LMNA: variants seen among roughly 807,000 people sequenced by gnomAD.
LMNA encodes lamin A/C.
LMNA carries 20 observed loss-of-function variants against 70.4 expected under a neutral mutation model. That is an observed-to-expected ratio of 0.28 (90% CI 0.20 to 0.41). The LOEUF (loss-of-function observed/expected upper bound fraction) is 0.41, where lower values mean the gene tolerates loss of function less well. LMNA is among the 10% of genes least tolerant of loss of function. The probability of loss-of-function intolerance (pLI) is 1.00; values close to 1 mark genes in which losing one functional copy is unlikely to be tolerated. For missense variants in LMNA, 652 were observed against 917.2 expected, an observed-to-expected ratio of 0.71 and a Z score of 3.73; for synonymous variants, 339 against 372.8, an observed-to-expected ratio of 0.91 and a Z score of 1.04.
intron 1 of LMNA, among the ~76,000 whole-genome samples, chr1:156,119,365 C>T (rs901428523): frequency 1.3e-5 from 2 of 152,196 alleles, no homozygotes; most frequent in African/African-American, 4.8e-5. Context: ...ATCCGTCCAC[C>T]TTGGCCTCCC....
chr1:156,104,291 G>T (rs1649244638), intron 3 of LMNA, among the ~76,000 whole-genome samples: 2 of 152,134 alleles, frequency 1.3e-5, no homozygotes, highest in African/African-American at 4.8e-5. Flanking sequence ...AGCCTGGAAG[G>T]GCCTGCAGCT....
rs370134870 is a variant in LMNA, at chr1:156,134,823, C to T, written c.658C>T (p.Arg220Cys). The change falls in exon 4 of 12, where the codon CGC becomes TGC. Residue 220 changes from arginine (R) to cysteine (C), a missense_variant. Physicochemically the swap from Arg to Cys is radical, Grantham distance 180. Coordinates refer to ENST00000368300, the MANE Select transcript of LMNA (RefSeq NM_170707.4). This position sits in a 1 kb window ranked among gnomAD's most constrained non-coding sequence, Gnocchi z 5.3. The stretch of plus-strand genomic sequence containing the variant: ...CTTCCAGGAGCTGCGTGAGACCAAG[C>T]GCCGTCATGAGACCCGACTGGTGGA... ...IYSEELRETK[R>C]RHETRLVEID... The T allele has an allele frequency of 2.4e-5, 38 of 1,614,064 alleles. No homozygotes were observed. Among genetic ancestry groups the T allele is most frequent in the Non-Finnish European group, 3.0e-5 (35 of 1,180,042 alleles).
chr1:156,107,505 C>G (rs1245568353), intron 3 of LMNA, among the ~76,000 whole-genome samples: 1 of 152,250 alleles, frequency 6.6e-6, no homozygotes, highest in Non-Finnish European at 1.5e-5. Flanking sequence ...GCCCAGGGGC[C>G]TCCTGGAAGT....
At position 156,136,134 on chromosome 1, in the gene LMNA, G is replaced by A. The variant is rs752948856; in HGVS notation, c.1157+13G>A. On this transcript the variant is annotated intron_variant, in intron 6 of 11. Transcript: ENST00000368300. This position sits in a 1 kb window ranked among gnomAD's most constrained non-coding sequence, Gnocchi z 6.1. Reference sequence around the variant, plus strand: ...GCGAGGAGGAGAGGTGGGCTGGGGAGACGTCGGGGAGGTGCTGGCAGTGTC... The same window carrying A: ...GCGAGGAGGAGAGGTGGGCTGGGGAAACGTCGGGGAGGTGCTGGCAGTGTC... 2.5e-6 allele frequency: 4 copies of A among 1,613,866 alleles called. No individual in the cohort carries two copies. Among genetic ancestry groups the A allele is most frequent in the Non-Finnish European group, 3.4e-6 (4 of 1,179,964 alleles).
In LMNA at chr1:156,136,011, G is replaced by A. The variant is rs147015659; in HGVS notation, c.1047G>A (p.Arg349=). ...AGGAGCGGGAGATGGCCGAGATGCG[G>A]GCAAGGATGCAGCAGCAGCTGGACG... ...AEKEREMAEM[R]ARMQQQLDEY... Residue 349 remains arginine (R), a synonymous_variant, in exon 6 of 12, where the codon CGG becomes CGA. Coordinates refer to ENST00000368300, the MANE Select transcript of LMNA (RefSeq NM_170707.4). The surrounding 1 kb of genome is among the most constrained non-coding windows in gnomAD (Gnocchi z 6.1). The A allele has an allele frequency of 5.6e-6, 9 of 1,614,028 alleles. No homozygotes were observed. The African/African-American group carries it at 9.3e-5, about 17-fold the overall frequency.
In LMNA at chr1:156,115,336, C is replaced by T; in HGVS notation, c.356+62C>T. 4.1e-6 allele frequency: 6 copies of T among 1,451,748 alleles called. No homozygotes were observed. The highest frequency in any genetic ancestry group is 5.6e-6 in the Non-Finnish European group (6 of 1,065,056). 89.9% of individuals were successfully genotyped at this position (1,451,748 alleles called of 1,614,324 possible). On this transcript the variant is annotated intron_variant, in intron 1 of 11. Coordinates refer to ENST00000368300, the MANE Select transcript of LMNA (RefSeq NM_170707.4). This position sits in a 1 kb window ranked among gnomAD's most constrained non-coding sequence, Gnocchi z 5.8. Reference sequence around the variant, plus strand: ...GTGGAGAGGGCGGCGGGCCGGCGCCCCTGGCCGGCCGCAGGAAGGGAGTGA... The same window carrying T: ...GTGGAGAGGGCGGCGGGCCGGCGCCTCTGGCCGGCCGCAGGAAGGGAGTGA...
chr1:156,130,079 C>T (rs1267011378), intron 1 of LMNA, among the ~76,000 whole-genome samples: 5 of 152,142 alleles, frequency 3.3e-5, no homozygotes, highest in Non-Finnish European at 7.4e-5. Flanking sequence ...CCAGACTTTC[C>T]TTCCCCACAG....
intron 3 of LMNA, among the ~76,000 whole-genome samples, chr1:156,108,920 G>A (rs1004440229): frequency 1.3e-5 from 2 of 152,158 alleles, no homozygotes; most frequent in African/African-American, 4.8e-5. Flanking sequence ...GCCTAAAGTC[G>A]GGAGAGGCTA....
At chr1:156,105,502 T>C (rs1393440280) in intron 3 of LMNA, among the ~76,000 whole-genome samples, 1 of 152,090 alleles carries the variant, frequency 6.6e-6, no homozygotes, top group Non-Finnish European at 1.5e-5. Flanking sequence ...ACCACCCTCC[T>C]GGCTGGGAGT....
intron 2 of LMNA, among the ~76,000 whole-genome samples, chr1:156,088,113 G>A (rs191559795): frequency 2.0e-5 from 3 of 151,152 alleles, no homozygotes; most frequent in Admixed American, 1.3e-4. Flanking sequence ...CTCGTGATCC[G>A]CCCGCCTCGG....
chr1:156,130,492 G>T, intron 1 of LMNA, 125 bp from the exon 2 acceptor site: 3 of 1,046,268 alleles, frequency 2.9e-6, no homozygotes, highest in East Asian at 4.7e-5. Flanking sequence ...CTAATGCAAG[G>T]ATGCCCTCTC....
chr1:156,117,394 C>A, intron 1 of LMNA, among the ~76,000 whole-genome samples: 1 of 148,280 alleles, frequency 6.7e-6, no homozygotes, highest in African/African-American at 2.5e-5. Flanking sequence ...GCCACCACGC[C>A]CGGCTACTTT....
intron 1 of LMNA, among the ~76,000 whole-genome samples, chr1:156,118,373 G>C (rs765793106): frequency 2.2e-4 from 34 of 152,206 alleles, no homozygotes; most frequent in Non-Finnish European, 4.6e-4. Context: ...CTGCCTCCTA[G>C]TGCAGCTGTC....
intron 2 of LMNA, among the ~76,000 whole-genome samples, chr1:156,086,393 A>ACTCACTCTCTCTCTCTCT (rs1648475002): frequency 6.8e-6 from 1 of 146,298 alleles, no homozygotes; most frequent in Non-Finnish European, 1.5e-5. Flanking sequence ...GTGACCTCTG[A>ACTCACTCTCTCTCTCTCT]CTCTCTCTCT....
chr1:156,116,702 T>A (rs1000668572), intron 1 of LMNA, among the ~76,000 whole-genome samples: 4 of 151,982 alleles, frequency 2.6e-5, no homozygotes, highest in Admixed American at 6.6e-5. Flanking sequence ...ATAGCTGAGA[T>A]TACAGGCATG....
At chr1:156,130,111 T>G (rs939718495) in intron 1 of LMNA, among the ~76,000 whole-genome samples, 3 of 152,100 alleles carry the variant, frequency 2.0e-5, no homozygotes. Flanking sequence ...TAAAAGGGAC[T>G]AGGAGAGGTG....
intron 2 of LMNA, among the ~76,000 whole-genome samples, chr1:156,088,508 C>A (rs1374328192): frequency 6.6e-6 from 1 of 152,110 alleles, no homozygotes; most frequent in Non-Finnish European, 1.5e-5. Flanking sequence ...AATGTAAGGA[C>A]AAAATGGTCT....
intron 1 of LMNA, chr1:156,126,511 G>A (rs758094705): frequency 1.6e-5 from 11 of 684,036 alleles, no homozygotes; most frequent in East Asian, 2.8e-5. Flanking sequence ...CGCCTGGCCC[G>A]GTGCCCACCT....
intron 2 of LMNA, among the ~76,000 whole-genome samples, chr1:156,087,399 C>T (rs909457129): frequency 4.6e-5 from 7 of 151,910 alleles, no homozygotes; most frequent in Non-Finnish European, 8.8e-5. Context: ...CCTGCCACCA[C>T]GCCCGGCTAA....
Sources: gnomAD v4.1 joint callset for allele counts (sites outside exome capture counted in the v4.1 genomes callset) on GRCh38, gnomAD v4.1.1 for gene constraint, Gnocchi (gnomAD v3.1) non-coding constraint, MANE v1.5 for transcripts, NCBI Gene and HGNC (gene_info 2026-07-23, HGNC 2026-07-21) for gene names.